Variants in FCHO2 observed in about 807,000 individuals in gnomAD.
FCHO2 encodes FCH and mu domain containing endocytic adaptor 2.
In FCHO2, 43 loss-of-function variants were observed where a neutral mutation model predicts 114.1. That is an observed-to-expected ratio of 0.38 (90% CI 0.30 to 0.49). The LOEUF is 0.49. FCHO2 is among the 20% of genes least tolerant of loss of function. The pLI is 0.97. For missense variants in FCHO2, 807 were observed against 950.4 expected (o/e 0.85, Z 1.98); for synonymous variants, 293 against 315.2 (o/e 0.93, Z 0.75).
chr5:73,030,225 A>G (rs1378994878), intron 8 of FCHO2, among the ~76,000 whole-genome samples: 2 of 151,788 alleles, frequency 1.3e-5, no homozygotes, highest in Non-Finnish European at 2.9e-5. Flanking sequence ...TATTTTTAGT[A>G]GAGATGGGTT....
chr5:72,980,765 C>T (rs1201342443), intron 2 of FCHO2, among the ~76,000 whole-genome samples: 1 of 152,088 alleles, frequency 6.6e-6, no homozygotes, highest in Admixed American at 6.6e-5. Context: ...AGGATTGCAA[C>T]CCCTGCTTTT....
chr5:73,009,997 C>T (rs148996000), intron 6 of FCHO2, among the ~76,000 whole-genome samples: 57 of 152,348 alleles, frequency 3.7e-4, no homozygotes, highest in African/African-American at 1.3e-3. Flanking sequence ...TTCTGTCATA[C>T]TCTACAGCTG....
chr5:73,034,790 C>CA, intron 9 of FCHO2, 89 bp downstream of exon 9: 1 of 1,071,894 alleles, frequency 9.3e-7, no homozygotes, highest in Non-Finnish European at 1.3e-6. Flanking sequence ...ACTGCTATCC[C>CA]TAGGTGTCAG....
chr5:72,971,642 T>C (rs1407918628), intron 2 of FCHO2, among the ~76,000 whole-genome samples: 1 of 152,186 alleles, frequency 6.6e-6, no homozygotes, highest in Non-Finnish European at 1.5e-5. Context: ...TTTCTCCCAT[T>C]TTGTAGGTTG....
intron 1 of FCHO2, among the ~76,000 whole-genome samples, chr5:72,961,601 T>A (rs1561398723): frequency 6.7e-6 from 1 of 149,280 alleles, no homozygotes; most frequent in Non-Finnish European, 1.5e-5. Flanking sequence ...ATTTCTTTCT[T>A]TTTTTTTTTT....
At chr5:73,018,193 A>T (rs1020279934) in intron 8 of FCHO2, among the ~76,000 whole-genome samples, 1 of 152,196 alleles carries the variant, frequency 6.6e-6, no homozygotes, top group Admixed American at 6.5e-5. Context: ...AACCTAAATC[A>T]TCTTTAATTT....
At chr5:72,997,259 T>C (rs1327593772) in intron 5 of FCHO2, 7 of 1,245,210 alleles carry the variant, frequency 5.6e-6, no homozygotes, top group Non-Finnish European at 7.1e-6. Context: ...TGTGGATTTC[T>C]TTTTGGAAGT....
intron 10 of FCHO2, 27 bp from the exon 11 acceptor site, chr5:73,041,264 A>T: frequency 7.0e-7 from 1 of 1,426,664 alleles, no homozygotes; most frequent in Non-Finnish European, 9.8e-7. Flanking sequence ...CTAATTATTG[A>T]GTATTTCTGA....
intron 20 of FCHO2, 55 bp downstream of exon 20, chr5:73,074,908 G>A (rs918726023): frequency 1.4e-6 from 2 of 1,388,340 alleles, no homozygotes; most frequent in Non-Finnish European, 2.0e-6. Flanking sequence ...GGGTGGAGGA[G>A]GTGGTGGGGC....
At chr5:72,977,294 C>G (rs1193811083) in intron 2 of FCHO2, among the ~76,000 whole-genome samples, 2 of 152,116 alleles carry the variant, frequency 1.3e-5, no homozygotes, top group Non-Finnish European at 2.9e-5. Context: ...TCTGTTGTTT[C>G]CTGACTTTTT....
At position 72,956,050 on chromosome 5, in the gene FCHO2, C is replaced by G. The variant is rs913666258; in HGVS notation, c.-47C>G. The G allele has an allele frequency of 4.6e-6, 7 of 1,537,818 alleles. No homozygotes were observed. In the African/African-American group the frequency reaches 8.5e-5, roughly 19 times the overall value. On this transcript the variant is annotated 5_prime_UTR_variant, in exon 1 of 26. Transcript: ENST00000430046. ...CTGTGGGGGCCGGGCCGTGTTTACA[C>G]AGCGGCGGGCGGGCGCGGACGCGGA...
At chr5:73,082,886 T>C (rs1402274461) in intron 24 of FCHO2, 61 bp downstream of exon 24, 41 of 1,459,142 alleles carry the variant, frequency 2.8e-5, no homozygotes, top group Non-Finnish European at 3.8e-5. Context: ...ATTTTTTTTT[T>C]TTTTTTAAAA....
At chr5:73,047,795 C>A (rs929735104) in intron 11 of FCHO2, among the ~76,000 whole-genome samples, 3 of 151,932 alleles carry the variant, frequency 2.0e-5, no homozygotes, top group African/African-American at 7.3e-5. Flanking sequence ...AGTTGTTTTA[C>A]TGTGTTTTTT....
At chr5:73,014,286 TC>T (rs202092750) in intron 6 of FCHO2, among the ~76,000 whole-genome samples, 64 of 150,676 alleles carry the variant, frequency 4.2e-4, no homozygotes, top group East Asian at 3.1e-3. Flanking sequence ...TTCTTTTTTT[TC>T]TTTTTCTTTT....
At chr5:73,041,409 C>A in intron 11 of FCHO2, 94 bp downstream of exon 11, 1 of 712,806 alleles carries the variant, frequency 1.4e-6, no homozygotes, top group Non-Finnish European at 2.3e-6. Context: ...ACCAGTCTTT[C>A]AAAGAAAAAT....
chr5:72,991,022 T>C (rs1293507771), intron 5 of FCHO2, among the ~76,000 whole-genome samples, 158 bp downstream of exon 5: 1 of 152,180 alleles, frequency 6.6e-6, no homozygotes, highest in African/African-American at 2.4e-5. Flanking sequence ...ACAGGAGATT[T>C]GTAAAGTATG....
At chr5:73,071,276 A>G (rs1243909725) in intron 19 of FCHO2, among the ~76,000 whole-genome samples, 2 of 152,018 alleles carry the variant, frequency 1.3e-5, no homozygotes, top group Admixed American at 6.6e-5. Flanking sequence ...TATCCAAATC[A>G]GGTAAGAAGT....
chr5:73,072,132 A>T (rs1742685373), intron 19 of FCHO2, among the ~76,000 whole-genome samples: 1 of 151,894 alleles, frequency 6.6e-6, no homozygotes, highest in Non-Finnish European at 1.5e-5. Flanking sequence ...GGGTTCAAGC[A>T]GTCCTCCCAC....
chr5:73,048,620 AAAT>A (rs1176388038), intron 11 of FCHO2, among the ~76,000 whole-genome samples: 1 of 152,184 alleles, frequency 6.6e-6, no homozygotes, highest in Non-Finnish European at 1.5e-5. Flanking sequence ...TACAGGTTAT[AAAT>A]AATCTTCGAT....
Sources: allele counts gnomAD v4.1 joint callset (sites outside exome capture counted in the v4.1 genomes callset), GRCh38; gene constraint gnomAD v4.1.1; transcripts MANE v1.5; gene names NCBI Gene and HGNC (gene_info 2026-07-23, HGNC 2026-07-21).